Variants in RANBP2 observed in about 807,000 individuals in gnomAD.
RANBP2 encodes RAN binding protein 2.
A neutral mutation model predicts 303.6 loss-of-function variants in RANBP2; 57 were observed. The observed-to-expected ratio is 0.19, with a 90% CI of 0.15 to 0.23. The LOEUF (loss-of-function observed/expected upper bound fraction) is 0.23. Ranked by LOEUF, RANBP2 falls within the 10% of genes least tolerant of loss-of-function variation. The pLI is 1.00. For synonymous variants in RANBP2, 1,167 were observed against 1,301.5 expected, an observed-to-expected ratio of 0.90 and a Z score of 2.23; for missense variants, 3,138 against 3,780.8, an observed-to-expected ratio of 0.83 and a Z score of 4.46.
the RANBP2 span, among the ~76,000 whole-genome samples, chr2:109,014,110 A>C: frequency 6.6e-6 from 1 of 152,176 alleles, no homozygotes; most frequent in Non-Finnish European, 1.5e-5. Context: ...CTCTACAATA[A>C]ATTGATTTTT....
the RANBP2 span, among the ~76,000 whole-genome samples, chr2:109,590,065 TAC>T: frequency 2.0e-5 from 3 of 148,218 alleles, no homozygotes; most frequent in Non-Finnish European, 3.0e-5. Flanking sequence ...TGTATATATA[TAC>T]ACACACATAT....
chr2:109,259,684 G>T, the RANBP2 span, among the ~76,000 whole-genome samples: 1 of 152,208 alleles, frequency 6.6e-6, no homozygotes, highest in Non-Finnish European at 1.5e-5. Flanking sequence ...TTGCTCTCAC[G>T]GCCTACGGAA....
At chr2:109,129,851 G>C in the RANBP2 span, 1 of 1,529,060 alleles carries the variant, frequency 6.5e-7, no homozygotes, top group South Asian at 1.2e-5. Flanking sequence ...GTGGGCTGCG[G>C]CGTGGACGAA....
the RANBP2 span, among the ~76,000 whole-genome samples, chr2:108,852,446 C>G: frequency 1.3e-5 from 2 of 152,164 alleles, no homozygotes; most frequent in Non-Finnish European, 2.9e-5. Flanking sequence ...AGGACACATG[C>G]ATGTGTTGTG....
chr2:109,034,516 G>A, the RANBP2 span, among the ~76,000 whole-genome samples: 4 of 152,096 alleles, frequency 2.6e-5, no homozygotes, highest in Non-Finnish European at 5.9e-5. Flanking sequence ...GAAAGACAAA[G>A]CAGCAAGCCA....
chr2:108,915,462 C>T, the RANBP2 span, among the ~76,000 whole-genome samples: 4 of 152,192 alleles, frequency 2.6e-5, no homozygotes, highest in Admixed American at 2.0e-4. Context: ...AGAAACATCA[C>T]CTGTCCACTG....
In RANBP2 at chr2:108,781,391, G is replaced by A; in HGVS notation, c.8722G>A (p.Glu2908Lys). 6.2e-7 allele frequency: 1 copy of A among 1,614,148 alleles called. No homozygotes were observed. The highest frequency in any genetic ancestry group is 8.5e-7 in the Non-Finnish European group (1 of 1,180,014). The change falls in exon 26 of 29, where the codon GAA (glutamate) becomes AAA (lysine). Residue 2908 changes from glutamate (E) to lysine (K), a missense_variant. By Grantham distance (56) the Glu-to-Lys change is moderately conservative (BLOSUM62 1). Coordinates refer to ENST00000283195, the MANE Select transcript of RANBP2 (RefSeq NM_006267.5). ...DGSDEEVVHN[E>K]DIHFEPIVSL... Reference sequence around the variant, plus strand: ...TAGTGATGAAGAAGTAGTTCATAATGAAGATATCCATTTTGAACCAATAGT... The same window carrying A: ...TAGTGATGAAGAAGTAGTTCATAATAAAGATATCCATTTTGAACCAATAGT...
At chr2:109,072,063 A>G in the RANBP2 span, among the ~76,000 whole-genome samples, 1 of 152,216 alleles carries the variant, frequency 6.6e-6, no homozygotes, top group Non-Finnish European at 1.5e-5. Context: ...AGCTGCCTCT[A>G]GTGTGTGTGA....
chr2:109,616,254 C>T, the RANBP2 span: 3 of 916,018 alleles, frequency 3.3e-6, no homozygotes, highest in African/African-American at 5.2e-5. Flanking sequence ...TTCAGAGATT[C>T]ATCATACCTT....
the RANBP2 span, among the ~76,000 whole-genome samples, chr2:109,201,456 A>G: frequency 6.6e-6 from 1 of 152,120 alleles, no homozygotes; most frequent in Non-Finnish European, 1.5e-5. Flanking sequence ...ACAGGCCAGC[A>G]GTCCCACCTC....
At chr2:109,544,043 A>G in the RANBP2 span, 6 of 1,012,366 alleles carry the variant, frequency 5.9e-6, no homozygotes, top group Non-Finnish European at 8.6e-6. Flanking sequence ...TTGTGGGGTC[A>G]AGTCAGTGCT....
the RANBP2 span, among the ~76,000 whole-genome samples, chr2:109,673,930 G>T: frequency 1.3e-5 from 2 of 152,156 alleles, no homozygotes; most frequent in South Asian, 4.1e-4. Context: ...GCTTCTAGTG[G>T]TTTTAATTTG....
At chr2:109,073,179 T>A in the RANBP2 span, among the ~76,000 whole-genome samples, 2 of 152,014 alleles carry the variant, frequency 1.3e-5, no homozygotes, top group African/African-American at 4.8e-5. Context: ...AATGCATGAA[T>A]AAAGTGAGAA....
At chr2:108,886,479 A>G in the RANBP2 span, among the ~76,000 whole-genome samples, 25 of 152,016 alleles carry the variant, frequency 1.6e-4, no homozygotes, top group Non-Finnish European at 3.2e-4. Context: ...CAGTGGTGCA[A>G]TCTCAGCTCC....
At chr2:109,037,323 C>CAAAAA in the RANBP2 span, among the ~76,000 whole-genome samples, 1 of 54,318 alleles carries the variant, frequency 1.8e-5, no homozygotes, top group African/African-American at 6.2e-5. Context: ...GACCATGTCT[C>CAAAAA]AAAAAAAAAA....
At chr2:109,593,044 TACTC>T in the RANBP2 span, 156 of 1,569,952 alleles carry the variant, frequency 9.9e-5, no homozygotes, top group Admixed American at 2.6e-4. Context: ...TTAAAAGACA[TACTC>T]ACTATCTGTT....
chr2:109,041,534 T>G, the RANBP2 span, among the ~76,000 whole-genome samples: 3 of 151,278 alleles, frequency 2.0e-5, no homozygotes, highest in Admixed American at 6.6e-5. Context: ...AATTTTTTTT[T>G]TTTTTTGAGA....
the RANBP2 span, among the ~76,000 whole-genome samples, chr2:108,963,173 C>T: frequency 6.6e-6 from 1 of 152,204 alleles, no homozygotes; most frequent in African/African-American, 2.4e-5. Context: ...AACAGAGACA[C>T]ATTCCAGTTT....
the RANBP2 span, among the ~76,000 whole-genome samples, chr2:108,891,464 A>G: frequency 6.6e-6 from 1 of 152,172 alleles, no homozygotes; most frequent in Non-Finnish European, 1.5e-5. Context: ...TGATTTCCCC[A>G]CTGGGTTAGG....
Sources: gnomAD v4.1 joint callset for allele counts (sites outside exome capture counted in the v4.1 genomes callset) on GRCh38, gnomAD v4.1.1 for gene constraint, MANE v1.5 for transcripts, NCBI Gene and HGNC (gene_info 2026-07-23, HGNC 2026-07-21) for gene names.